Variants in RALYL observed in about 807,000 individuals in gnomAD.
The protein encoded by RALYL is RALY RNA binding protein like.
In RALYL, 29 loss-of-function variants were observed where a neutral mutation model predicts 35.1. That is an observed-to-expected ratio of 0.83 (90% CI 0.61 to 1.13). The LOEUF is 1.13. RALYL is among the 50% of genes most tolerant of loss of function. RALYL has a pLI of 0.00. For missense variants in RALYL, 359 were observed against 360.4 expected (o/e 1.00, Z 0.03); for synonymous variants, 120 against 127.6 (o/e 0.94, Z 0.40).
intron 1 of RALYL, among the ~76,000 whole-genome samples, chr8:84,518,947 T>C (rs2058261018): frequency 6.6e-6 from 1 of 152,214 alleles, no homozygotes; most frequent in Non-Finnish European, 1.5e-5. Context: ...TTTAGCTCTT[T>C]GTGACAGAGA....
chr8:84,363,414 T>C (rs1021112940), intron 1 of RALYL, among the ~76,000 whole-genome samples: 1 of 152,172 alleles, frequency 6.6e-6, no homozygotes, highest in Non-Finnish European at 1.5e-5. Flanking sequence ...AACCTTCAGA[T>C]GAGTGACAAT....
chr8:84,555,091 C>A (rs1220200206), intron 2 of RALYL, among the ~76,000 whole-genome samples: 1 of 152,084 alleles, frequency 6.6e-6, no homozygotes, highest in African/African-American at 2.4e-5. Context: ...CCAGCCTGAC[C>A]AACATGGTGA....
chr8:84,744,149 G>A (rs1340851828), intron 2 of RALYL, among the ~76,000 whole-genome samples: 1 of 152,004 alleles, frequency 6.6e-6, no homozygotes, highest in East Asian at 1.9e-4. Context: ...GAAATGGGCA[G>A]GAGATAGTTA....
chr8:84,582,221 A>T (rs949930360), intron 2 of RALYL, among the ~76,000 whole-genome samples: 21 of 152,138 alleles, frequency 1.4e-4, no homozygotes, highest in African/African-American at 4.1e-4. Flanking sequence ...TGCTATTCAA[A>T]TGTGTTTATA....
At chr8:84,261,294 A>G (rs936636526) in intron 1 of RALYL, among the ~76,000 whole-genome samples, 7 of 151,962 alleles carry the variant, frequency 4.6e-5, no homozygotes, top group Non-Finnish European at 1.0e-4. Flanking sequence ...CAAAAATCTC[A>G]TCTTTAATTG....
intron 2 of RALYL, among the ~76,000 whole-genome samples, chr8:84,535,287 C>A (rs1016105866): frequency 6.6e-6 from 1 of 152,180 alleles, no homozygotes; most frequent in African/African-American, 2.4e-5. Context: ...TACTATTTCT[C>A]TTTCCAGAAA....
At chr8:84,426,473 T>TGTGGGGGGG (rs781271546) in intron 1 of RALYL, among the ~76,000 whole-genome samples, 1 of 149,028 alleles carries the variant, frequency 6.7e-6, no homozygotes, top group Non-Finnish European at 1.5e-5. Context: ...TGTGTGTGTG[T>TGTGGGGGGG]GGGTTTAGAT....
intron 4 of RALYL, among the ~76,000 whole-genome samples, chr8:84,814,055 C>CATCT (rs1826563813): frequency 6.6e-6 from 1 of 152,078 alleles, no homozygotes; most frequent in African/African-American, 2.4e-5. Context: ...CAGCTTCATC[C>CATCT]ATCTCCCCAC....
chr8:84,558,519 T>A (rs56048142), intron 2 of RALYL, among the ~76,000 whole-genome samples: 3 of 152,092 alleles, frequency 2.0e-5, no homozygotes, highest in Non-Finnish European at 4.4e-5. Context: ...GAACAATTTT[T>A]AAAAAAATTG....
At position 84,852,519 on chromosome 8, in the gene RALYL, G is replaced by T. The variant is rs138160375; in HGVS notation, c.413+2492G>T. Among the ~76,000 whole-genome samples, 40 of 152,028 alleles carry T rather than the reference G, an allele frequency of 2.6e-4. No individual in the cohort carries two copies. In the East Asian group the frequency reaches 7.3e-3, roughly 28 times the overall value. The stretch of plus-strand genomic sequence containing the variant: ...TTCTACTATAGCTATTTTTTCACTT[G>T]CTACGAATAAAGTTTTCAATTAATA... On this transcript the variant is annotated intron_variant, in intron 5 of 8. Transcript: ENST00000521268.
intron 1 of RALYL, among the ~76,000 whole-genome samples, chr8:84,356,333 T>C (rs553059724): frequency 1.3e-5 from 2 of 150,490 alleles, no homozygotes; most frequent in South Asian, 4.2e-4. Flanking sequence ...CTTAAAACAG[T>C]AATAGTTGTT....
intron 1 of RALYL, among the ~76,000 whole-genome samples, chr8:84,444,076 G>A (rs750251998): frequency 6.6e-6 from 1 of 152,100 alleles, no homozygotes; most frequent in Non-Finnish European, 1.5e-5. Context: ...TGCCTGTCAT[G>A]TCAGCACTTT....
intron 4 of RALYL, among the ~76,000 whole-genome samples, chr8:84,843,797 C>G (rs544415148): frequency 2.2e-3 from 334 of 152,196 alleles, no homozygotes; most frequent in Non-Finnish European, 3.8e-3. Context: ...AGAACAGAGC[C>G]CTCAGAAATA....
intron 2 of RALYL, among the ~76,000 whole-genome samples, chr8:84,682,756 G>A (rs551537725): frequency 4.7e-4 from 71 of 151,346 alleles, no homozygotes; most frequent in Non-Finnish European, 7.2e-4. Flanking sequence ...TCTTGCTAGC[G>A]GTCTATCAAT....
At chr8:84,603,942 T>G (rs772621519) in intron 2 of RALYL, among the ~76,000 whole-genome samples, 4 of 152,066 alleles carry the variant, frequency 2.6e-5, no homozygotes, top group Admixed American at 2.6e-4. Context: ...GTTTGTTTGT[T>G]TGTTTGTTTT....
intron 2 of RALYL, among the ~76,000 whole-genome samples, chr8:84,568,040 T>C (rs2061908373): frequency 6.6e-6 from 1 of 150,834 alleles, no homozygotes; most frequent in African/African-American, 2.4e-5. Flanking sequence ...CTTTTCCCAG[T>C]TTTTTTTTAA....
At chr8:84,601,743 A>T (rs1816017217) in intron 2 of RALYL, among the ~76,000 whole-genome samples, 1 of 152,078 alleles carries the variant, frequency 6.6e-6, no homozygotes, top group African/African-American at 2.4e-5. Flanking sequence ...TAAAGCCCTG[A>T]TGGTTTAAGC....
intron 1 of RALYL, chr8:84,184,952 G>GA: frequency 6.2e-7 from 1 of 1,612,952 alleles, no homozygotes; most frequent in East Asian, 2.2e-5. Flanking sequence ...GAGCCTTGAG[G>GA]ATGGCACCGG....
chr8:84,563,797 G>A (rs951369398), intron 2 of RALYL, among the ~76,000 whole-genome samples: 2 of 151,438 alleles, frequency 1.3e-5, no homozygotes, highest in Non-Finnish European at 3.0e-5. Context: ...TGTATTTGGG[G>A]TTTATGCTTT....
Sources: gnomAD v4.1 joint callset for allele counts (sites outside exome capture counted in the v4.1 genomes callset) on GRCh38, gnomAD v4.1.1 for gene constraint, MANE v1.5 for transcripts, NCBI Gene and HGNC (gene_info 2026-07-23, HGNC 2026-07-21) for gene names.